The following NCBP3 variants were observed in gnomAD, a reference collection of about 807,000 sequenced individuals.
The protein encoded by NCBP3 is nuclear cap binding subunit 3.
In NCBP3, 20 loss-of-function variants were observed where a neutral mutation model predicts 75.7. That is an observed-to-expected ratio of 0.26 (90% CI 0.19 to 0.38). NCBP3 has a LOEUF of 0.38. NCBP3 is among the 10% of genes least tolerant of loss of function. The pLI is 1.00. For missense variants in NCBP3, 678 were observed against 796.9 expected, an observed-to-expected ratio of 0.85 and a Z score of 1.80; for synonymous variants, 293 against 290.5, an observed-to-expected ratio of 1.01 and a Z score of -0.09.
At position 3,810,024 on chromosome 17, in the gene NCBP3, T is replaced by C. The variant is rs1288179391; in HGVS notation, c.*3020A>G. ...AAGAGGGAAGAGGGAATAGGGAGAATTGCTAATGGACTCAGGGTTTCTTTG... is the reference window on the plus strand; with the variant it reads ...AAGAGGGAAGAGGGAATAGGGAGAACTGCTAATGGACTCAGGGTTTCTTTG... On this transcript the variant is annotated 3_prime_UTR_variant, in exon 13 of 13. Coordinates refer to ENST00000389005, the MANE Select transcript of NCBP3 (RefSeq NM_001114118.3). 3 of 152,056 alleles carry C rather than the reference T, an allele frequency of 2.0e-5. No homozygotes were observed. Among genetic ancestry groups the C allele is most frequent in the Non-Finnish European group, 2.9e-5 (2 of 68,010 alleles). The allele number at this position is 152,056 out of a possible 1,614,324, so 9.4% of individuals were successfully genotyped here.
chr17:3,813,730 G>T (rs546767467), intron 12 of NCBP3, among the ~76,000 whole-genome samples: 1 of 152,174 alleles, frequency 6.6e-6, no homozygotes, highest in African/African-American at 2.4e-5. Flanking sequence ...CACATTATAA[G>T]GCAATTCAAA....
At chr17:3,844,059 GCA>G (rs113425816) in intron 1 of NCBP3, among the ~76,000 whole-genome samples, 5,519 of 152,130 alleles carry the variant, frequency 0.036, 93 homozygotes, top group East Asian at 0.045. Context: ...AAAAGATAAG[GCA>G]CAGTCACTTA....
Position 3,804,047 on chromosome 17 carries a change from A to AG in NCBP3, c.*8996_*8997insC, listed in dbSNP as rs1466368754. 2.6e-5 allele frequency: 4 copies of AG among 152,386 alleles called. No individual in the cohort carries two copies. The highest frequency in any genetic ancestry group is 7.2e-5 in the African/African-American group (3 of 41,576). The allele number at this position is 152,386 out of a possible 1,614,324, so 9.4% of individuals were successfully genotyped here. A position where few individuals can be genotyped will look rare whatever the true frequency, so the allele number is the denominator to read the frequency against. ...GGCGGAGATCATGCCACTGCACTCCACTTGGGTGACAGAGCGAGACTCCGT... is the reference window on the plus strand; with the variant it reads ...GGCGGAGATCATGCCACTGCACTCCAGCTTGGGTGACAGAGCGAGACTCCGT... On this transcript the variant is annotated 3_prime_UTR_variant, in exon 13 of 13. Transcript: ENST00000389005.
chr17:3,836,752 C>T (rs1227450556), intron 3 of NCBP3, among the ~76,000 whole-genome samples: 1 of 151,830 alleles, frequency 6.6e-6, no homozygotes, highest in Non-Finnish European at 1.5e-5. Context: ...GGCCATAGAG[C>T]TAGAAAGTAA....
At chr17:3,833,787 T>A (rs1185735490) in intron 3 of NCBP3, among the ~76,000 whole-genome samples, 3 of 152,192 alleles carry the variant, frequency 2.0e-5, no homozygotes, top group African/African-American at 4.8e-5. Flanking sequence ...TGATAATTAT[T>A]TTTGTCATTT....
chr17:3,840,188 T>C lies in NCBP3; in HGVS notation c.267A>G (p.Lys89=). 6.4e-7 allele frequency: 1 copy of C among 1,551,706 alleles called. No homozygotes were observed. Among genetic ancestry groups the C allele is most frequent in the Non-Finnish European group, 8.7e-7 (1 of 1,146,968 alleles). ...AATGGAAGCGCTTGGCTCGCTGCTC[T>C]TTCTTTTCAATTGCTTCCTAGAAAG... ...DVTSKEAIEK[K]EQRAKRFHFR... The change falls in exon 3 of 13, where the codon AAA becomes AAG. Residue 89 remains lysine, a synonymous_variant. Coordinates refer to ENST00000389005, the MANE Select transcript of NCBP3 (RefSeq NM_001114118.3).
At chr17:3,821,430 C>CT (rs527683914) in intron 8 of NCBP3, 78 bp from the exon 9 acceptor site, 21,077 of 1,006,644 alleles carry the variant, frequency 0.021, no homozygotes, top group East Asian at 0.024. Context: ...TTTCTCTTTT[C>CT]TTTTTTTTTT....
chr17:3,828,979 G>A (rs764995467), intron 4 of NCBP3, among the ~76,000 whole-genome samples: 5 of 152,040 alleles, frequency 3.3e-5, no homozygotes, highest in Non-Finnish European at 5.9e-5. Context: ...AATCAACTAC[G>A]GCAGATTCAG....
chr17:3,812,436 C>T lies in NCBP3; in HGVS notation c.*608G>A, dbSNP rs2053434232. On this transcript the variant is annotated 3_prime_UTR_variant, in exon 13 of 13. Coordinates refer to ENST00000389005, the MANE Select transcript of NCBP3 (RefSeq NM_001114118.3). Reference sequence around the variant, plus strand: ...CTGACAGCACGTAAGAGGCCCATGCCATGAGCAATCCCCGAGGGAAGAACG... The same window carrying T: ...CTGACAGCACGTAAGAGGCCCATGCTATGAGCAATCCCCGAGGGAAGAACG... The T allele has an allele frequency of 3.4e-6, 3 of 874,022 alleles. No homozygotes were observed. The highest frequency in any genetic ancestry group is 4.1e-6 in the Non-Finnish European group (3 of 727,626). The allele number at this position is 874,022 out of a possible 1,614,324, so 54.1% of individuals were successfully genotyped here.
At chr17:3,830,918 TC>T (rs1170878961) in intron 3 of NCBP3, among the ~76,000 whole-genome samples, 2 of 150,576 alleles carry the variant, frequency 1.3e-5, no homozygotes, top group Non-Finnish European at 3.0e-5. Flanking sequence ...TTTTTTTTTT[TC>T]TTTTTTTTTG....
chr17:3,825,777 C>A lies in NCBP3; in HGVS notation c.677G>T (p.Ser226Ile). The change falls in exon 6 of 13, where the codon AGT becomes ATT. Residue 226 changes from serine (S) to isoleucine (I), a missense_variant. By Grantham distance (142) the Ser-to-Ile change is moderately radical. Coordinates refer to ENST00000389005, the MANE Select transcript of NCBP3 (RefSeq NM_001114118.3). ...TCCCCTATTACTAACCTCTACATCA[C>A]TTGAGTTCTCATCTTCAACCTCTCC... ...EEGEVEDENSSDVELDTLSQV... is the reference protein window; with the variant it reads ...EEGEVEDENSIDVELDTLSQV... The A allele has an allele frequency of 3.9e-6, 6 of 1,550,218 alleles. No homozygotes were observed. The highest frequency in any genetic ancestry group is 4.4e-6 in the Non-Finnish European group (5 of 1,145,884).
intron 1 of NCBP3, among the ~76,000 whole-genome samples, chr17:3,843,957 A>G (rs544760690): frequency 6.6e-6 from 1 of 152,286 alleles, no homozygotes; most frequent in South Asian, 2.1e-4. Flanking sequence ...CCACTCCAAT[A>G]AGAAGATCAG....
Position 3,807,358 on chromosome 17 carries a change from G to T in NCBP3, c.*5686C>A, listed in dbSNP as rs536494076. ...AGCTGGTAAGCTTCAGCTCCGACAT[G>T]GCCAGATCATCAAAATTTGAAGTTT... On this transcript the variant is annotated 3_prime_UTR_variant, in exon 13 of 13. Transcript: ENST00000389005. 5.9e-5 allele frequency: 9 copies of T among 152,174 alleles called. No individual in the cohort carries two copies. The highest frequency in any genetic ancestry group is 2.2e-4 in the African/African-American group (9 of 41,436). The allele number at this position is 152,174 out of a possible 1,614,324, so 9.4% of individuals were successfully genotyped here. A position where few individuals can be genotyped will look rare whatever the true frequency, so the allele number is the denominator to read the frequency against.
Position 3,813,081 on chromosome 17 carries a change from CTA to C in NCBP3, c.1824_1825del (p.Arg610GlyfsTer62). ...CTCTGAACCAGAGCTGCTTTCCCGA[CTA>C]ACTTCAATCTGGAGAGATGGTAAGT... is the stretch of plus-strand genomic sequence containing the variant. On this transcript the variant is annotated frameshift_variant, in exon 13 of 13. Coordinates refer to ENST00000389005, the MANE Select transcript of NCBP3 (RefSeq NM_001114118.3). LOFTEE classifies it high-confidence loss of function. The C allele has an allele frequency of 6.2e-7, 1 of 1,614,216 alleles. No individual in the cohort carries two copies. Among genetic ancestry groups the C allele is most frequent in the Non-Finnish European group, 8.5e-7 (1 of 1,180,036 alleles).
intron 3 of NCBP3, among the ~76,000 whole-genome samples, chr17:3,834,293 A>G (rs2053937397): frequency 6.6e-6 from 1 of 152,264 alleles, no homozygotes; most frequent in African/African-American, 2.4e-5. Context: ...GGAGAAAAAC[A>G]AAAGTTCACT....
Position 3,821,241 on chromosome 17 carries a change from GC to G in NCBP3, c.1000+7del, listed in dbSNP as rs760915090. The G allele has an allele frequency of 4.9e-5, 79 of 1,599,244 alleles. No individual in the cohort carries two copies. Among genetic ancestry groups the G allele is most frequent in the Admixed American group, 8.3e-5 (5 of 59,968 alleles). The stretch of plus-strand genomic sequence containing the variant: ...ATGTGTCTACCCAAGAGCTGAGCAG[GC>G]AACTACCAGAATGTCGATGTTTATA... On this transcript the variant is annotated splice_region_variant and intron_variant, in intron 9 of 12. Transcript: ENST00000389005.
In NCBP3 at chr17:3,832,437, TG is replaced by T. The variant is rs1318040064; in HGVS notation, c.356-3070del. Among the ~76,000 whole-genome samples the T allele has an allele frequency of 1.7e-5, 2 of 118,134 alleles. 1 individual carries two copies. The highest frequency in any genetic ancestry group is 4.1e-5 in the Non-Finnish European group (2 of 49,126). 77.5% of individuals were successfully genotyped at this position (118,134 alleles called of 152,430 possible). Reference sequence around the variant, plus strand: ...TCACAAGGTCAGATCGAGACCATCCTGGCCAACACGGTGAAACCCCGTCTCT... The same window carrying T: ...TCACAAGGTCAGATCGAGACCATCCTGCCAACACGGTGAAACCCCGTCTCT... On this transcript the variant is annotated intron_variant, in intron 3 of 12. Coordinates refer to ENST00000389005, the MANE Select transcript of NCBP3 (RefSeq NM_001114118.3).
intron 2 of NCBP3, among the ~76,000 whole-genome samples, chr17:3,841,698 T>C (rs547806000): frequency 1.3e-5 from 2 of 148,358 alleles, no homozygotes; most frequent in East Asian, 2.0e-4. Flanking sequence ...CTGGGCATGA[T>C]AGCATCCACC....
chr17:3,846,135 G>A lies in NCBP3; in HGVS notation c.89C>T (p.Ser30Phe), dbSNP rs2143731807. ...CTCCGGCTCGCCACGGTCAACACCG[G>A]ACTCCGCCTCAGGGGACGGGAGCCC... is the stretch of plus-strand genomic sequence containing the variant. The part of the protein sequence containing the change: ...ALGLPSPEAE[S>F]GVDRGEPEPM... The change falls in exon 1 of 13, where the codon TCC becomes TTC. Residue 30 changes from serine to phenylalanine, a missense_variant. Physicochemically the swap from Ser to Phe is radical, Grantham distance 155. This residue lies in a region of NCBP3 where 76 missense variants were observed against 53.8 expected (regional missense o/e 1.41). Transcript: ENST00000389005. The surrounding 1 kb of genome is among the most constrained non-coding windows in gnomAD (Gnocchi z 4.6). The A allele has an allele frequency of 2.6e-6, 4 of 1,543,284 alleles. No homozygotes were observed. The highest frequency in any genetic ancestry group is 1.7e-4 in the Middle Eastern group (1 of 5,930).
Sources: gnomAD v4.1 joint callset for allele counts (sites outside exome capture counted in the v4.1 genomes callset) on GRCh38, gnomAD v4.1.1 for gene constraint, gnomAD v4.1.1 regional missense constraint, Gnocchi (gnomAD v3.1) non-coding constraint, MANE v1.5 for transcripts, NCBI Gene and HGNC (gene_info 2026-07-23, HGNC 2026-07-21) for gene names.